The following GRID1 variants were observed in gnomAD, a reference collection of about 807,000 sequenced individuals.
The protein encoded by GRID1 is glutamate receptor ionotropic, delta-1.
A neutral mutation model predicts 98.0 loss-of-function variants in GRID1; 28 were observed. That is an observed-to-expected ratio of 0.29 (90% CI 0.21 to 0.39). GRID1 has a LOEUF of 0.39. GRID1 is among the 10% of genes least tolerant of loss of function. GRID1 has a pLI of 1.00. For missense variants in GRID1, 1,111 were observed against 1,340.5 expected (o/e 0.83, Z 2.67); for synonymous variants, 553 against 538.5 (o/e 1.03, Z -0.37).
intron 5 of GRID1, among the ~76,000 whole-genome samples, chr10:85,871,740 A>G (rs1843280393): frequency 6.6e-6 from 1 of 152,222 alleles, no homozygotes; most frequent in South Asian, 2.1e-4. Context: ...CTGTCTTAAG[A>G]AGCTGATATG....
intron 3 of GRID1, among the ~76,000 whole-genome samples, chr10:86,189,698 G>A (rs1178762258): frequency 6.6e-6 from 1 of 152,116 alleles, no homozygotes; most frequent in Non-Finnish European, 1.5e-5. Context: ...AGCGGGTGCT[G>A]TGCGATGTTT....
At chr10:86,351,312 A>G (rs904511176) in intron 2 of GRID1, among the ~76,000 whole-genome samples, 1 of 152,244 alleles carries the variant, frequency 6.6e-6, no homozygotes, top group Admixed American at 6.5e-5. Flanking sequence ...ACAGACACAC[A>G]CGGGCTAATG....
intron 4 of GRID1, among the ~76,000 whole-genome samples, chr10:86,063,569 TTAAA>T (rs1451230010): frequency 6.6e-6 from 1 of 152,238 alleles, no homozygotes; most frequent in Non-Finnish European, 1.5e-5. Flanking sequence ...TACCAGATGC[TTAAA>T]TAAATTATGA....
intron 4 of GRID1, among the ~76,000 whole-genome samples, chr10:85,981,071 G>T (rs1044826995): frequency 6.6e-6 from 1 of 152,198 alleles, no homozygotes; most frequent in African/African-American, 2.4e-5. Flanking sequence ...GGACAAGGTT[G>T]CATGTGGGGA....
chr10:85,695,829 G>T (rs76553638), intron 12 of GRID1, among the ~76,000 whole-genome samples: 1,534 of 152,214 alleles, frequency 0.01, 30 homozygotes, highest in African/African-American at 0.034. Flanking sequence ...TAAAGAGCAT[G>T]TAACCCAAGG....
intron 3 of GRID1, among the ~76,000 whole-genome samples, chr10:86,203,059 C>G (rs2132016574): frequency 6.6e-6 from 1 of 152,282 alleles, no homozygotes; most frequent in South Asian, 2.1e-4. Flanking sequence ...TTTTCCTCAT[C>G]TGTAAAATGT....
Position 86,354,117 on chromosome 10 carries a change from C to T in GRID1, c.235+9824G>A, listed in dbSNP as rs892894983. Among the ~76,000 whole-genome samples the T allele has an allele frequency of 1.0e-3, 158 of 152,356 alleles. 1 individual carries two copies. The highest frequency in any genetic ancestry group is 2.3e-3 in the Non-Finnish European group (154 of 68,034). ...GACCCATGGCAGGACCTCAAGTCTC[C>T]ACCTTGGACTGAGAAGGAAGAGCGC... On this transcript the variant is annotated intron_variant, in intron 2 of 15. Coordinates refer to ENST00000327946, the MANE Select transcript of GRID1 (RefSeq NM_017551.3).
chr10:86,016,427 C>T (rs749470232), intron 4 of GRID1, among the ~76,000 whole-genome samples: 21 of 152,000 alleles, frequency 1.4e-4, no homozygotes, highest in Admixed American at 3.9e-4. Flanking sequence ...GAGTGTAGGG[C>T]GGCAAATGTT....
intron 8 of GRID1, among the ~76,000 whole-genome samples, chr10:85,735,262 C>T (rs1841867405): frequency 6.6e-6 from 1 of 152,186 alleles, no homozygotes; most frequent in Admixed American, 6.6e-5. Context: ...CACTATTAAA[C>T]AAAACAAGTA....
chr10:85,676,429 A>G (rs766518061), intron 12 of GRID1, among the ~76,000 whole-genome samples: 5 of 152,152 alleles, frequency 3.3e-5, no homozygotes, highest in Non-Finnish European at 7.4e-5. Context: ...ACCTGATACC[A>G]TATTCTTGCT....
intron 8 of GRID1, among the ~76,000 whole-genome samples, chr10:85,760,075 A>G (rs1300833222): frequency 6.6e-6 from 1 of 152,214 alleles, no homozygotes; most frequent in Non-Finnish European, 1.5e-5. Context: ...TATTATGAAT[A>G]TATAAGACAG....
At chr10:85,887,843 T>TTTC (rs2131807498) in intron 5 of GRID1, among the ~76,000 whole-genome samples, 1 of 152,268 alleles carries the variant, frequency 6.6e-6, no homozygotes, top group Admixed American at 6.5e-5. Flanking sequence ...GTCCTCCTTA[T>TTTC]CCATCTAACT....
At chr10:85,904,000 T>G (rs1469390287) in intron 5 of GRID1, among the ~76,000 whole-genome samples, 1 of 152,254 alleles carries the variant, frequency 6.6e-6, no homozygotes, top group African/African-American at 2.4e-5. Flanking sequence ...AATCCACTCC[T>G]TCTCCCTCTT....
intron 12 of GRID1, among the ~76,000 whole-genome samples, chr10:85,662,038 G>T (rs1840970603): frequency 6.6e-6 from 1 of 152,196 alleles, no homozygotes; most frequent in African/African-American, 2.4e-5. Context: ...GGGCATCCAG[G>T]CCAGGTAGGA....
At chr10:85,711,132 C>T (rs1841577431) in intron 12 of GRID1, among the ~76,000 whole-genome samples, 1 of 151,962 alleles carries the variant, frequency 6.6e-6, no homozygotes, top group Non-Finnish European at 1.5e-5. Flanking sequence ...TGGGTATATA[C>T]ACCGAAGAAT....
At chr10:86,328,994 T>A (rs540034205) in intron 2 of GRID1, among the ~76,000 whole-genome samples, 103 of 152,214 alleles carry the variant, frequency 6.8e-4, no homozygotes, top group African/African-American at 2.4e-3. Context: ...CTATAAGGAC[T>A]GAGTGTCTTT....
At chr10:85,997,461 G>T (rs1194490328) in intron 4 of GRID1, among the ~76,000 whole-genome samples, 1 of 151,968 alleles carries the variant, frequency 6.6e-6, no homozygotes, top group African/African-American at 2.4e-5. Flanking sequence ...GGAACTAAAT[G>T]GTGGCAAGAT....
At chr10:86,258,528 C>T (rs1468151691) in intron 2 of GRID1, among the ~76,000 whole-genome samples, 1 of 152,148 alleles carries the variant, frequency 6.6e-6, no homozygotes, top group Non-Finnish European at 1.5e-5. Flanking sequence ...GCAGCTCTGT[C>T]CCACAGCATC....
At chr10:85,897,253 C>G (rs1453416821) in intron 5 of GRID1, among the ~76,000 whole-genome samples, 1 of 152,164 alleles carries the variant, frequency 6.6e-6, no homozygotes, top group Non-Finnish European at 1.5e-5. Context: ...CCAGACACAC[C>G]TACACAGTGG....
Sources: gnomAD v4.1 joint callset for allele counts (sites outside exome capture counted in the v4.1 genomes callset) on GRCh38, gnomAD v4.1.1 for gene constraint, MANE v1.5 for transcripts, NCBI Gene and HGNC (gene_info 2026-07-23, HGNC 2026-07-21) for gene names.